Variants in TENM4 observed in about 807,000 individuals in gnomAD.
TENM4 encodes the protein teneurin transmembrane protein 4, also known as teneurin-4.
TENM4 carries 82 observed loss-of-function variants against 243.3 expected under a neutral mutation model. That is an observed-to-expected ratio of 0.34 (90% CI 0.28 to 0.40). The LOEUF is 0.40. Ranked by LOEUF, TENM4 falls within the 10% of genes least tolerant of loss-of-function variation. The pLI is 1.00. For missense variants in TENM4, 3,138 were observed against 3,673.3 expected (o/e 0.85, Z 3.77); for synonymous variants, 1,412 against 1,456.3 (o/e 0.97, Z 0.69).
At chr11:78,971,286 A>G (rs914561600) in intron 6 of TENM4, among the ~76,000 whole-genome samples, 3 of 152,134 alleles carry the variant, frequency 2.0e-5, no homozygotes, top group Non-Finnish European at 4.4e-5. Flanking sequence ...TGATTTTTAA[A>G]TAAGATTTTT....
intron 12 of TENM4, among the ~76,000 whole-genome samples, chr11:78,841,885 G>C (rs1406447655): frequency 3.3e-5 from 5 of 152,158 alleles, no homozygotes; most frequent in Non-Finnish European, 7.3e-5. Context: ...GAGGGCGCCA[G>C]TGACCTCCTA....
chr11:78,700,956 A>G (rs1378946256), intron 28 of TENM4, among the ~76,000 whole-genome samples: 1 of 152,204 alleles, frequency 6.6e-6, no homozygotes, highest in Non-Finnish European at 1.5e-5. Context: ...ATGACCCTGA[A>G]TCAGAAAAAG....
At chr11:78,660,579 G>T (rs1730975159) in intron 33 of TENM4, among the ~76,000 whole-genome samples, 1 of 152,172 alleles carries the variant, frequency 6.6e-6, no homozygotes, top group East Asian at 1.9e-4. Context: ...ATATGGATAT[G>T]AAAGTTTCTG....
chr11:78,842,665 C>T (rs867021316), intron 12 of TENM4, among the ~76,000 whole-genome samples: 3 of 152,224 alleles, frequency 2.0e-5, no homozygotes, highest in Admixed American at 6.5e-5. Flanking sequence ...CCTGGACATA[C>T]CAGGCACTCA....
chr11:78,891,659 A>T (rs995385966), intron 7 of TENM4, among the ~76,000 whole-genome samples: 5 of 152,190 alleles, frequency 3.3e-5, no homozygotes, highest in African/African-American at 9.7e-5. Context: ...CAAAATGGCT[A>T]TGTGAGGAAG....
In TENM4 at chr11:79,231,187, A is replaced by G. The variant is rs1864366208; in HGVS notation, c.-264-15278T>C. On this transcript the variant is annotated intron_variant, in intron 2 of 33. Transcript: ENST00000278550. ...GGAAGATAGAAGAGGGTTAATATTC[A>G]TTTGATAAATATTTGGTGCAAATTG... Among the ~76,000 whole-genome samples, 3 of 152,358 alleles carry G rather than the reference A, an allele frequency of 2.0e-5. No homozygotes were observed. In the South Asian group the frequency reaches 6.2e-4, roughly 32 times the overall value.
intron 27 of TENM4, among the ~76,000 whole-genome samples, chr11:78,705,617 G>A (rs764763065): frequency 6.6e-6 from 1 of 152,194 alleles, no homozygotes; most frequent in Non-Finnish European, 1.5e-5. Context: ...CCTGTCCACC[G>A]GAACATTCTG....
At position 79,385,729 on chromosome 11, in the gene TENM4, T is replaced by C. The variant is rs557203184; in HGVS notation, c.-321+54780A>G. 7.2e-5 allele frequency among the ~76,000 whole-genome samples: 8 copies of C among 111,010 alleles called. No homozygotes were observed. In the South Asian group the frequency reaches 2.1e-3, roughly 29 times the overall value. 72.8% of individuals were successfully genotyped at this position (111,010 alleles called of 152,430 possible). On this transcript the variant is annotated intron_variant, in intron 1 of 33. Transcript: ENST00000278550. ...TGTTATTCCATGAAAAACATATTTT[T>C]CCCCTATCCTTTGGGAATCCCCAGA...
At chr11:79,341,901 G>C (rs1263832585) in intron 1 of TENM4, among the ~76,000 whole-genome samples, 1 of 152,202 alleles carries the variant, frequency 6.6e-6, no homozygotes, top group East Asian at 1.9e-4. Context: ...GTGAGTTCCA[G>C]CAAATATACC....
At chr11:78,725,725 A>G (rs1166817262) in intron 23 of TENM4, among the ~76,000 whole-genome samples, 1 of 152,234 alleles carries the variant, frequency 6.6e-6, no homozygotes, top group Non-Finnish European at 1.5e-5. Context: ...TTCTTGCCAA[A>G]GAGACACATT....
chr11:79,303,176 C>G (rs1264934073), intron 1 of TENM4, among the ~76,000 whole-genome samples: 1 of 152,108 alleles, frequency 6.6e-6, no homozygotes, highest in Non-Finnish European at 1.5e-5. Flanking sequence ...TTTAAGCATC[C>G]CTCTATATAG....
Position 78,702,420 on chromosome 11 carries a change from C to T in TENM4, c.4210-17G>A, listed in dbSNP as rs375227174. On this transcript the variant is annotated splice_polypyrimidine_tract_variant and intron_variant, in intron 27 of 33. Transcript: ENST00000278550. ...CAGGTGAACCTGACAATGAAGACAC[C>T]GATACTCAAATGACTGGCAAGATGC... 1.6e-5 allele frequency: 26 copies of T among 1,598,346 alleles called. No individual in the cohort carries two copies. The highest frequency in any genetic ancestry group is 4.5e-5 in the South Asian group (4 of 88,226).
chr11:78,870,643 A>G (rs1349940870), intron 9 of TENM4, among the ~76,000 whole-genome samples: 3 of 152,162 alleles, frequency 2.0e-5, no homozygotes, highest in Non-Finnish European at 4.4e-5. Context: ...ACAGTTAATC[A>G]TTTCTCTGTG....
intron 1 of TENM4, among the ~76,000 whole-genome samples, chr11:79,409,884 C>G (rs1485943685): frequency 6.6e-6 from 1 of 152,076 alleles, no homozygotes; most frequent in Non-Finnish European, 1.5e-5. Context: ...TCTGAGGGTC[C>G]CAGCAGGAAT....
At chr11:78,708,714 C>G (rs752504519) in intron 26 of TENM4, among the ~76,000 whole-genome samples, 199 bp from the exon 27 acceptor site, 8 of 152,132 alleles carry the variant, frequency 5.3e-5, no homozygotes, top group Non-Finnish European at 1.2e-4. Context: ...GGGATTAGAA[C>G]TTTTTCAGAT....
chr11:79,061,723 G>A (rs1359503854), intron 6 of TENM4, among the ~76,000 whole-genome samples: 1 of 152,140 alleles, frequency 6.6e-6, no homozygotes, highest in Non-Finnish European at 1.5e-5. Context: ...TGCTACAGAG[G>A]GAACTCACTG....
At chr11:79,406,555 T>C (rs1225395696) in intron 1 of TENM4, among the ~76,000 whole-genome samples, 2 of 152,298 alleles carry the variant, frequency 1.3e-5, no homozygotes, top group East Asian at 1.9e-4. Context: ...TTTCTCACCA[T>C]GTGATCCAAT....
chr11:78,814,670 C>T (rs1033759695), intron 12 of TENM4, among the ~76,000 whole-genome samples: 1 of 152,220 alleles, frequency 6.6e-6, no homozygotes, highest in African/African-American at 2.4e-5. Context: ...GATTCTTCAG[C>T]TAAAAACACT....
intron 4 of TENM4, among the ~76,000 whole-genome samples, chr11:79,140,748 T>C (rs940081273): frequency 6.6e-6 from 1 of 152,170 alleles, no homozygotes; most frequent in Non-Finnish European, 1.5e-5. Context: ...ATGTATTTTC[T>C]TCACAGTTTT....
Sources: gnomAD v4.1 joint callset for allele counts (sites outside exome capture counted in the v4.1 genomes callset) on GRCh38, gnomAD v4.1.1 for gene constraint, MANE v1.5 for transcripts, NCBI Gene and HGNC (gene_info 2026-07-23, HGNC 2026-07-21) for gene names.